SRPX: variants seen among roughly 807,000 people sequenced by gnomAD.
The protein encoded by SRPX is sushi repeat containing protein X-linked.
Under a neutral mutation model 38.1 loss-of-function variants are expected in SRPX, and 24 were observed. That is an observed-to-expected ratio of 0.63 (90% CI 0.46 to 0.89). SRPX has a LOEUF of 0.89. Among genes scored for constraint, SRPX ranks in the 40% least tolerant of loss-of-function variants. The pLI is 0.00. For missense variants in SRPX, 416 were observed against 377.8 expected (o/e 1.10, Z -0.84); for synonymous variants, 184 against 153.8 (o/e 1.20, Z -1.45).
intron 2 of SRPX, among the ~76,000 whole-genome samples, chrX:38,177,050 G>C (rs973732569): frequency 2.7e-5 from 3 of 111,023 alleles, no homozygotes; most frequent in Non-Finnish European, 5.7e-5. Flanking sequence ...ACAAGGACCT[G>C]AGGGCACTAG....
intron 1 of SRPX, among the ~76,000 whole-genome samples, chrX:38,217,766 G>A (rs771669950): frequency 3.6e-5 from 4 of 112,183 alleles, no homozygotes; most frequent in South Asian, 3.8e-4. Flanking sequence ...GTTATGGTAC[G>A]AGGACTGATG....
intron 5 of SRPX, among the ~76,000 whole-genome samples, chrX:38,162,634 CA>C (rs992637800): frequency 8.9e-6 from 1 of 111,791 alleles, no homozygotes; most frequent in African/African-American, 3.3e-5. Context: ...GCCAACATGG[CA>C]AAAACCCATC....
intron 1 of SRPX, among the ~76,000 whole-genome samples, chrX:38,191,995 T>C (rs1360529501): frequency 8.9e-6 from 1 of 112,111 alleles, no homozygotes; most frequent in Non-Finnish European, 1.9e-5. Flanking sequence ...GGAAACTTCC[T>C]GATCCTCATG....
intron 1 of SRPX, among the ~76,000 whole-genome samples, chrX:38,217,939 T>C (rs776631069): frequency 8.9e-6 from 1 of 112,271 alleles, no homozygotes; most frequent in African/African-American, 3.2e-5. Flanking sequence ...CTCCCCAGCA[T>C]ATTTCCTTTT....
chrX:38,220,329 A>G (rs1939493584), intron 1 of SRPX, among the ~76,000 whole-genome samples: 1 of 113,481 alleles, frequency 8.8e-6, no homozygotes, highest in Non-Finnish European at 1.9e-5. Context: ...GTGGGCAACC[A>G]TGTGAGAGGC....
chrX:38,212,501 C>G (rs755725579), intron 1 of SRPX, among the ~76,000 whole-genome samples: 10 of 111,785 alleles, frequency 8.9e-5, no homozygotes, highest in African/African-American at 2.9e-4. Flanking sequence ...GTAGAAGAAT[C>G]ATTGGAAGGA....
chrX:38,154,087 A>G (rs986311228), intron 9 of SRPX: 1 of 136,264 alleles, frequency 7.3e-6, no homozygotes, highest in African/African-American at 3.1e-5. Context: ...AAGCATGGAG[A>G]AAAAAGAGAC....
chrX:38,158,190 G>A (rs1055050904), intron 7 of SRPX, among the ~76,000 whole-genome samples: 1 of 111,874 alleles, frequency 8.9e-6, no homozygotes, highest in Non-Finnish European at 1.9e-5. Context: ...GGTGCAGAAG[G>A]GACAAAGCAA....
At chrX:38,176,830 A>G (rs759498364) in intron 2 of SRPX, among the ~76,000 whole-genome samples, 73 of 112,309 alleles carry the variant, frequency 6.5e-4, no homozygotes, top group African/African-American at 2.3e-3. Context: ...CTTAAATTTT[A>G]TTGTATGAAG....
At chrX:38,209,547 C>T (rs1939278917) in intron 1 of SRPX, among the ~76,000 whole-genome samples, 1 of 112,063 alleles carries the variant, frequency 8.9e-6, no homozygotes, top group Non-Finnish European at 1.9e-5. Flanking sequence ...AGAGCCATAG[C>T]TTCCCTCCTA....
chrX:38,172,505 C>G (rs1440466099), intron 3 of SRPX, among the ~76,000 whole-genome samples: 6 of 113,066 alleles, frequency 5.3e-5, no homozygotes, highest in Non-Finnish European at 7.5e-5. Flanking sequence ...TTATGTCACA[C>G]AGAAGACACA....
intron 3 of SRPX, among the ~76,000 whole-genome samples, chrX:38,173,299 G>A (rs758089079): frequency 8.9e-6 from 1 of 112,110 alleles, no homozygotes; most frequent in South Asian, 3.8e-4. Context: ...TTCCAAATGA[G>A]GTATGACTTG....
In SRPX at chrX:38,178,348, C is replaced by T. The variant is rs1938605577; in HGVS notation, c.98-4G>A. The T allele has an allele frequency of 1.3e-5, 16 of 1,205,860 alleles. 1 individual carries two copies. Among genetic ancestry groups the T allele is most frequent in the African/African-American group, 1.0e-4 (6 of 57,390 alleles). ...TCTAGTGGTGAGTCTCCCGATCCTACAATAAAAAAGAACAGAAACTGCAGC... is the reference window on the plus strand; with the variant it reads ...TCTAGTGGTGAGTCTCCCGATCCTATAATAAAAAAGAACAGAAACTGCAGC... On this transcript the variant is annotated splice_polypyrimidine_tract_variant and splice_region_variant and intron_variant, in intron 1 of 9. Transcript: ENST00000378533.
intron 1 of SRPX, among the ~76,000 whole-genome samples, chrX:38,207,071 C>T (rs978244986): frequency 9.0e-6 from 1 of 111,427 alleles, no homozygotes; most frequent in Non-Finnish European, 1.9e-5. Context: ...GTCCATGGCA[C>T]CCATAATCCC....
At chrX:38,170,078 G>A (rs1414749588) in intron 4 of SRPX, among the ~76,000 whole-genome samples, 2 of 111,750 alleles carry the variant, frequency 1.8e-5, no homozygotes, top group Non-Finnish European at 3.8e-5. Flanking sequence ...CATTGCCAGA[G>A]TATGGTCTGT....
intron 1 of SRPX, among the ~76,000 whole-genome samples, chrX:38,219,354 CT>C (rs1939473153): frequency 9.0e-6 from 1 of 110,668 alleles, no homozygotes; most frequent in Non-Finnish European, 1.9e-5. Flanking sequence ...TCCCAGAAAG[CT>C]GCTTCTGGGA....
At chrX:38,173,271 G>T (rs974448775) in intron 3 of SRPX, among the ~76,000 whole-genome samples, 1 of 111,912 alleles carries the variant, frequency 8.9e-6, no homozygotes, top group African/African-American at 3.3e-5. Context: ...CTTCAACAAT[G>T]CTGTACCACT....
chrX:38,156,107 T>C (rs759472007), intron 8 of SRPX, among the ~76,000 whole-genome samples: 39 of 112,309 alleles, frequency 3.5e-4, no homozygotes, highest in African/African-American at 1.3e-3. Context: ...CTCAAAAAAA[T>C]GTGCAGCACT....
intron 1 of SRPX, among the ~76,000 whole-genome samples, chrX:38,201,148 T>C (rs999409284): frequency 1.8e-5 from 2 of 111,298 alleles, no homozygotes; most frequent in Admixed American, 9.5e-5. Context: ...AAACAAAGTG[T>C]TTTCCAATGA....
Sources: allele counts gnomAD v4.1 joint callset (sites outside exome capture counted in the v4.1 genomes callset), GRCh38; gene constraint gnomAD v4.1.1; transcripts MANE v1.5; gene names NCBI Gene and HGNC (gene_info 2026-07-23, HGNC 2026-07-21).